The following COBL variants were observed in gnomAD, a reference collection of about 807,000 sequenced individuals.
COBL encodes the protein protein cordon-bleu.
In COBL, 51 loss-of-function variants were observed where a neutral mutation model predicts 98.8. That is an observed-to-expected ratio of 0.52 (90% CI 0.41 to 0.65). The LOEUF is 0.65. Among genes scored for constraint, COBL ranks in the 30% least tolerant of loss-of-function variants. The pLI is 0.00. For missense variants in COBL, 1,617 were observed against 1,617.5 expected (o/e 1.00, Z 0.01); for synonymous variants, 634 against 651.7 (o/e 0.97, Z 0.41).
intron 1 of COBL, among the ~76,000 whole-genome samples, chr7:51,241,365 C>T (rs1291818501): frequency 6.6e-6 from 1 of 152,176 alleles, no homozygotes; most frequent in Non-Finnish European, 1.5e-5. Context: ...TGTCTAAACT[C>T]ATTTTAGAAC....
intron 1 of COBL, among the ~76,000 whole-genome samples, chr7:51,232,389 C>T (rs1242416372): frequency 6.6e-6 from 1 of 152,160 alleles, no homozygotes; most frequent in Admixed American, 6.5e-5. Context: ...ACCCATCTGG[C>T]TGTGGGCTCT....
intron 1 of COBL, among the ~76,000 whole-genome samples, chr7:51,273,456 T>C (rs376585284): frequency 1.3e-5 from 2 of 152,142 alleles, no homozygotes; most frequent in Non-Finnish European, 2.9e-5. Context: ...TAGCTACCAC[T>C]ATCTAAAATT....
intron 6 of COBL, 106 bp downstream of exon 6, chr7:51,136,052 C>A: frequency 7.1e-7 from 1 of 1,406,856 alleles, no homozygotes. Context: ...ACTCCAGTCG[C>A]TACAGCCACA....
At chr7:51,025,002 A>T (rs1334785280) in intron 12 of COBL, 107 bp downstream of exon 12, 63 of 1,485,068 alleles carry the variant, frequency 4.2e-5, no homozygotes, top group Non-Finnish European at 5.3e-5. Context: ...ACCCACTCCC[A>T]TGTGACCGCC....
At chr7:51,206,558 T>C (rs184118041) in intron 2 of COBL, among the ~76,000 whole-genome samples, 8 of 151,980 alleles carry the variant, frequency 5.3e-5, no homozygotes, top group African/African-American at 9.7e-5. Context: ...CCCATATCTA[T>C]TGCAGCGCTA....
intron 1 of COBL, among the ~76,000 whole-genome samples, chr7:51,232,280 T>C (rs1382902778): frequency 1.3e-5 from 2 of 151,884 alleles, no homozygotes; most frequent in East Asian, 3.9e-4. Context: ...AAGAAAACAA[T>C]AAAAAAGGAA....
Position 51,029,376 on chromosome 7 carries a change from T to C in COBL, c.1720A>G (p.Ser574Gly), listed in dbSNP as rs1362798477. ...AGTGGCGCCAGGGAGTCTCTCCTGC[T>C]GGCAACACCCTCCGAGTCGAAAGAC... ...AGSFDSEGVA[S>G]RRDSLAPLQA... Residue 574 changes from serine (S) to glycine (G), a missense_variant, in exon 10 of 13, where the codon AGC becomes GGC. Ser to Gly is a moderately conservative substitution (Grantham distance 56). Coordinates refer to ENST00000265136, the MANE Select transcript of COBL (RefSeq NM_015198.5). 1.9e-6 allele frequency: 3 copies of C among 1,610,450 alleles called. No individual in the cohort carries two copies. The highest frequency in any genetic ancestry group is 1.7e-5 in the Admixed American group (1 of 59,948).
intron 7 of COBL, among the ~76,000 whole-genome samples, chr7:51,044,059 C>A (rs934136170): frequency 6.6e-6 from 1 of 152,144 alleles, no homozygotes; most frequent in Non-Finnish European, 1.5e-5. Context: ...AATGTGAGAT[C>A]TTTAGAAAAA....
chr7:51,085,040 T>C, intron 7 of COBL, 126 bp downstream of exon 7: 1 of 1,348,762 alleles, frequency 7.4e-7, no homozygotes. Flanking sequence ...CTTCTTTCTT[T>C]AGCATTAATA....
Position 51,098,589 on chromosome 7 carries a change from G to A in COBL, c.958-13285C>T, listed in dbSNP as rs80251290. 1.6e-4 allele frequency among the ~76,000 whole-genome samples: 25 copies of A among 152,146 alleles called. No individual in the cohort carries two copies. The East Asian group carries it at 3.7e-3, about 22-fold the overall frequency. ...AAAAGAATGAAATTGGGCCCTTACC[G>A]TTAACCATATAAAAAAATTAAAATG... is the stretch of plus-strand genomic sequence containing the variant. On this transcript the variant is annotated intron_variant, in intron 6 of 12. Transcript: ENST00000265136.
chr7:51,240,413 T>C (rs1190149344), intron 1 of COBL, among the ~76,000 whole-genome samples: 1 of 152,230 alleles, frequency 6.6e-6, no homozygotes, highest in Admixed American at 6.5e-5. Flanking sequence ...AACATTCATG[T>C]CAGAACTGAG....
At chr7:51,185,095 G>A (rs1563009334) in intron 4 of COBL, among the ~76,000 whole-genome samples, 1 of 152,126 alleles carries the variant, frequency 6.6e-6, no homozygotes, top group East Asian at 1.9e-4. Context: ...TTCTTCATCA[G>A]GATTCTAGAG....
chr7:51,180,297 A>C (rs1175681183), intron 5 of COBL, among the ~76,000 whole-genome samples: 6 of 152,200 alleles, frequency 3.9e-5, no homozygotes. Flanking sequence ...GTTCCCTTAC[A>C]AGGTTGCTGA....
chr7:51,223,972 T>C (rs944888527), intron 1 of COBL, among the ~76,000 whole-genome samples: 2 of 152,232 alleles, frequency 1.3e-5, no homozygotes, highest in Non-Finnish European at 2.9e-5. Context: ...AGACCACATA[T>C]ATAAAGGTAG....
chr7:51,100,928 A>G (rs2128962228), intron 6 of COBL, among the ~76,000 whole-genome samples: 1 of 151,712 alleles, frequency 6.6e-6, no homozygotes, highest in African/African-American at 2.4e-5. Context: ...AAAAAACAAC[A>G]ACAAAAAAAA....
At chr7:51,030,962 T>G (rs1297720904) in intron 8 of COBL, 53 bp from the exon 9 acceptor site, 4 of 1,182,856 alleles carry the variant, frequency 3.4e-6, no homozygotes, top group Non-Finnish European at 5.1e-6. Context: ...ATTGATTTAA[T>G]GTACTCCTTT....
intron 1 of COBL, among the ~76,000 whole-genome samples, chr7:51,275,959 A>G (rs1413731210): frequency 6.6e-6 from 1 of 152,146 alleles, no homozygotes; most frequent in Non-Finnish European, 1.5e-5. Flanking sequence ...TATCTTCCTT[A>G]TATTTACTCT....
intron 1 of COBL, among the ~76,000 whole-genome samples, chr7:51,257,062 C>T (rs951918552): frequency 3.9e-5 from 6 of 152,112 alleles, no homozygotes; most frequent in Non-Finnish European, 8.8e-5. Context: ...GCCTGCATTC[C>T]AGAGTAGCAA....
At chr7:51,030,340 C>T (rs779666117) in intron 9 of COBL, among the ~76,000 whole-genome samples, 3 of 152,166 alleles carry the variant, frequency 2.0e-5, no homozygotes, top group Non-Finnish European at 2.9e-5. Flanking sequence ...CTGCTTTGGC[C>T]TTCCAGTATT....
Sources: allele counts gnomAD v4.1 joint callset (sites outside exome capture counted in the v4.1 genomes callset), GRCh38; gene constraint gnomAD v4.1.1; transcripts MANE v1.5; gene names NCBI Gene and HGNC (gene_info 2026-07-23, HGNC 2026-07-21).